The following PRMT7 variants were observed in gnomAD, a reference collection of about 807,000 sequenced individuals.
The protein encoded by PRMT7 is protein arginine methyltransferase 7, also known as protein arginine N-methyltransferase 7.
Under a neutral mutation model 85.4 loss-of-function variants are expected in PRMT7, and 75 were observed. That is an observed-to-expected ratio of 0.88 (90% CI 0.73 to 1.06). The LOEUF (loss-of-function observed/expected upper bound fraction) is 1.06. Among genes scored for constraint, PRMT7 ranks in the 50% least tolerant of loss-of-function variants. The pLI is 0.00. For missense variants in PRMT7, 868 were observed against 915.2 expected, an observed-to-expected ratio of 0.95 and a Z score of 0.67; for synonymous variants, 397 against 359.5, an observed-to-expected ratio of 1.10 and a Z score of -1.18.
intron 4 of PRMT7, among the ~76,000 whole-genome samples, chr16:68,323,307 CT>C (rs1379261475): frequency 6.6e-6 from 1 of 151,720 alleles, no homozygotes; most frequent in Non-Finnish European, 1.5e-5. Context: ...CAACCTCCAC[CT>C]CCCGAGTTCA....
intron 14 of PRMT7, among the ~76,000 whole-genome samples, chr16:68,349,989 AG>A (rs1386796842): frequency 6.6e-6 from 1 of 152,216 alleles, no homozygotes; most frequent in Non-Finnish European, 1.5e-5. Flanking sequence ...CAGGCCTGGC[AG>A]CCACTGGTCT....
At chr16:68,313,640 G>C (rs936421770) in intron 2 of PRMT7, among the ~76,000 whole-genome samples, 3 of 152,156 alleles carry the variant, frequency 2.0e-5, no homozygotes, top group African/African-American at 7.2e-5. Context: ...GTTGGACACA[G>C]TTTTCTAATG....
chr16:68,317,472 G>A (rs1237939806), intron 3 of PRMT7, among the ~76,000 whole-genome samples: 1 of 152,142 alleles, frequency 6.6e-6, no homozygotes, highest in Non-Finnish European at 1.5e-5. Flanking sequence ...GGAGGCCAAG[G>A]CAGGAGGATT....
At chr16:68,314,923 T>TC (rs2044490579) in intron 2 of PRMT7, among the ~76,000 whole-genome samples, 1 of 152,054 alleles carries the variant, frequency 6.6e-6, no homozygotes, top group Non-Finnish European at 1.5e-5. Context: ...AAAAATTGCT[T>TC]TTAAAATTAA....
At chr16:68,345,613 C>T in intron 9 of PRMT7, 62 bp from the exon 10 acceptor site, 1 of 1,603,424 alleles carries the variant, frequency 6.2e-7, no homozygotes, top group Non-Finnish European at 8.5e-7. Flanking sequence ...CATTTGGCTC[C>T]TGGATTAGAA....
chr16:68,328,342 G>C (rs2083382458), intron 5 of PRMT7: 1 of 152,944 alleles, frequency 6.5e-6, no homozygotes, highest in African/African-American at 2.4e-5. Flanking sequence ...AACAGTGTGG[G>C]GGCCCAGTTT....
chr16:68,353,461 G>C, intron 15 of PRMT7, 31 bp from the exon 16 acceptor site: 1 of 1,609,942 alleles, frequency 6.2e-7, no homozygotes, highest in Non-Finnish European at 8.5e-7. Flanking sequence ...CCTGGCGGGC[G>C]GGTGTGGACG....
chr16:68,347,587 G>A, intron 12 of PRMT7, 44 bp from the exon 13 acceptor site: 2 of 1,582,580 alleles, frequency 1.3e-6, no homozygotes, highest in South Asian at 1.1e-5. Flanking sequence ...TTTCTTCTCT[G>A]TTAAGTGAAT....
At chr16:68,322,353 A>G (rs1376492233) in intron 4 of PRMT7, 1 of 443,776 alleles carries the variant, frequency 2.3e-6, no homozygotes, top group African/African-American at 2.0e-5. Context: ...GCATGCCACC[A>G]TGCCTGGCTA....
At chr16:68,335,577 AG>A (rs1597319036) in intron 6 of PRMT7, among the ~76,000 whole-genome samples, 1 of 151,484 alleles carries the variant, frequency 6.6e-6, no homozygotes, top group East Asian at 1.9e-4. Context: ...TGAGCTTCAT[AG>A]GAAGTGTGCT....
intron 6 of PRMT7, 129 bp downstream of exon 6, chr16:68,329,303 G>T: frequency 1.6e-6 from 1 of 627,542 alleles, no homozygotes; most frequent in Non-Finnish European, 2.8e-6. Context: ...GTGGAGCTCT[G>T]ACAGTAAGGA....
At chr16:68,344,289 G>T (rs1043977461) in intron 9 of PRMT7, among the ~76,000 whole-genome samples, 6 of 152,166 alleles carry the variant, frequency 3.9e-5, no homozygotes, top group Non-Finnish European at 8.8e-5. Context: ...TTTTAGGGCA[G>T]TTCTTCCTTT....
rs2151852455 is a variant in PRMT7, at chr16:68,348,284, T to C, written c.1324-58T>C. ...AATGCAACTTTGAGAGATTTTTTTTTCCTGACAAACACAATACTTTAGTAT... is the reference window on the plus strand; with the variant it reads ...AATGCAACTTTGAGAGATTTTTTTTCCCTGACAAACACAATACTTTAGTAT... On this transcript the variant is annotated intron_variant, in intron 13 of 18. Coordinates refer to ENST00000441236, the MANE Select transcript of PRMT7 (RefSeq NM_019023.5). 4 of 1,377,680 alleles carry C rather than the reference T, an allele frequency of 2.9e-6. No individual in the cohort carries two copies. In the East Asian group the frequency reaches 7.0e-5, roughly 24 times the overall value. The allele number at this position is 1,377,680 out of a possible 1,614,324, so 85.3% of individuals were successfully genotyped here.
At chr16:68,316,194 G>C in intron 3 of PRMT7, 120 bp downstream of exon 3, 4 of 868,650 alleles carry the variant, frequency 4.6e-6, no homozygotes, top group Non-Finnish European at 5.6e-6. Context: ...ATGAGGGCTG[G>C]TGTTGGTCCT....
At chr16:68,334,671 G>C (rs566283026) in intron 6 of PRMT7, among the ~76,000 whole-genome samples, 6 of 152,284 alleles carry the variant, frequency 3.9e-5, no homozygotes, top group Admixed American at 6.5e-5. Context: ...GAAGCTCCTG[G>C]GGTGGCTACC....
At chr16:68,345,611 T>C (rs995947495) in intron 9 of PRMT7, 64 bp from the exon 10 acceptor site, 3 of 1,602,912 alleles carry the variant, frequency 1.9e-6, no homozygotes, top group Non-Finnish European at 2.6e-6. Flanking sequence ...GGCATTTGGC[T>C]CCTGGATTAG....
intron 6 of PRMT7, among the ~76,000 whole-genome samples, chr16:68,332,725 C>T (rs767265284): frequency 6.6e-6 from 1 of 152,164 alleles, no homozygotes; most frequent in Non-Finnish European, 1.5e-5. Flanking sequence ...TCCCTGAACT[C>T]GTTTCCTGTC....
At chr16:68,319,503 C>T (rs1385218812) in intron 3 of PRMT7, among the ~76,000 whole-genome samples, 1 of 150,876 alleles carries the variant, frequency 6.6e-6, no homozygotes, top group African/African-American at 2.4e-5. Flanking sequence ...AGTGAGATGC[C>T]TTTTAAATAG....
At position 68,339,552 on chromosome 16, in the gene PRMT7, G is replaced by T. The variant is rs774456132; in HGVS notation, c.735G>T (p.Leu245=). The change falls in exon 8 of 19, where the codon CTG becomes CTT. Residue 245 remains leucine, a synonymous_variant. Coordinates refer to ENST00000441236, the MANE Select transcript of PRMT7 (RefSeq NM_019023.5). ...ACTTTACAGTCCTCAGCGATGTGCT[G>T]CCCATGTTCAGGTACCAAGGAGCCA... is the stretch of plus-strand genomic sequence containing the variant. ...PADFTVLSDV[L]PMFSIDFSKQ... The T allele has an allele frequency of 8.7e-6, 14 of 1,613,410 alleles. No individual in the cohort carries two copies. In the Admixed American group the frequency reaches 1.7e-4, roughly 19 times the overall value.
Sources: allele counts gnomAD v4.1 joint callset (sites outside exome capture counted in the v4.1 genomes callset), GRCh38; gene constraint gnomAD v4.1.1; transcripts MANE v1.5; gene names NCBI Gene and HGNC (gene_info 2026-07-23, HGNC 2026-07-21).